The following TFAP4 variants were observed in gnomAD, a reference collection of about 807,000 sequenced individuals.
TFAP4 encodes transcription factor AP-4.
TFAP4 carries 7 observed loss-of-function variants against 40.4 expected under a neutral mutation model. That is an observed-to-expected ratio of 0.17 (90% confidence interval 0.10 to 0.33). The LOEUF is 0.33. TFAP4 is among the 10% of genes least tolerant of loss of function. TFAP4 has a pLI of 1.00. For synonymous variants in TFAP4, 218 were observed against 181.4 expected, an observed-to-expected ratio of 1.20 and a Z score of -1.62; for missense variants, 374 against 451.1, an observed-to-expected ratio of 0.83 and a Z score of 1.55.
chr16:4,259,076 G>A (rs943643789), intron 6 of TFAP4, among the ~76,000 whole-genome samples: 3 of 150,994 alleles, frequency 2.0e-5, no homozygotes, highest in Admixed American at 6.6e-5. Context: ...CAATAAGAGC[G>A]AAACTCTATC....
At chr16:4,265,309 T>C (rs1665704665) in intron 1 of TFAP4, 1 of 152,096 alleles carries the variant, frequency 6.6e-6, no homozygotes, top group African/African-American at 2.4e-5. Context: ...AGGTGACAGT[T>C]ATCCCTGTAA....
chr16:4,271,801 G>A lies in TFAP4; in HGVS notation c.89+857C>T, dbSNP rs539194894. 5.9e-5 allele frequency among the ~76,000 whole-genome samples: 9 copies of A among 152,318 alleles called. No individual in the cohort carries two copies. In the South Asian group the frequency reaches 1.9e-3, roughly 32 times the overall value. On this transcript the variant is annotated intron_variant, in intron 1 of 6. Transcript: ENST00000204517. Reference sequence around the variant, plus strand: ...CAGGTGTCCCTTCCCCAAATGGCCTGCCCACCTGGCCTGCCTTGCCCATCG... The same window carrying A: ...CAGGTGTCCCTTCCCCAAATGGCCTACCCACCTGGCCTGCCTTGCCCATCG...
intron 1 of TFAP4, chr16:4,263,789 C>G (rs992887068): frequency 6.5e-5 from 10 of 153,144 alleles, no homozygotes; most frequent in African/African-American, 2.4e-4. Context: ...TGGCTGGGGG[C>G]GTGGCTTCGG....
Position 4,258,050 on chromosome 16 carries a change from G to A in TFAP4, c.*5C>T, listed in dbSNP as rs755385285. The A allele has an allele frequency of 1.9e-6, 3 of 1,609,134 alleles. No individual in the cohort carries two copies. Among genetic ancestry groups the A allele is most frequent in the East Asian group, 4.5e-5 (2 of 44,788 alleles). The stretch of plus-strand genomic sequence containing the variant: ...CCAGAAGGGAGAGGAGGGCTGGGGG[G>A]GTAGTCAGGGAAGCTCCCCGTCCCC... On this transcript the variant is annotated 3_prime_UTR_variant, in exon 7 of 7. Transcript: ENST00000204517.
chr16:4,262,645 C>T lies in TFAP4; in HGVS notation c.146G>A (p.Arg49Gln). The change falls in exon 2 of 7, where the codon CGG (arginine) becomes CAG (glutamine). Residue 49 changes from arginine (R) to glutamine (Q), a missense_variant. This residue lies in a region of TFAP4 where 9 missense variants were observed against 38.6 expected (regional missense o/e 0.23). Coordinates refer to ENST00000204517, the MANE Select transcript of TFAP4 (RefSeq NM_003223.3). ...CTCGTTGCTGTTGGCGATCTCCCGC[C>T]GAATCCGCCGCTCCTGGTCCCGCTG... ...ETQRDQERRI[R>Q]REIANSNERR... 1.2e-6 allele frequency: 2 copies of T among 1,611,270 alleles called. No homozygotes were observed. The highest frequency in any genetic ancestry group is 2.2e-5 in the South Asian group (2 of 91,060).
At chr16:4,271,042 A>T (rs1326379042) in intron 1 of TFAP4, among the ~76,000 whole-genome samples, 4 of 152,240 alleles carry the variant, frequency 2.6e-5, no homozygotes, top group Non-Finnish European at 5.9e-5. Flanking sequence ...ACATAAAAAG[A>T]GCTCAAGAAT....
chr16:4,258,331 C>T, intron 6 of TFAP4, 82 bp from the exon 7 acceptor site: 1 of 1,351,550 alleles, frequency 7.4e-7, no homozygotes, highest in South Asian at 1.4e-5. Context: ...CAGCCAGCCA[C>T]TGTCACCCCC....
chr16:4,262,914 C>T (rs2141091988), intron 1 of TFAP4: 3 of 584,768 alleles, frequency 5.1e-6, no homozygotes, highest in Non-Finnish European at 9.2e-6. Context: ...CCGGGCCAGG[C>T]ACAGTAATCC....
intron 6 of TFAP4, among the ~76,000 whole-genome samples, chr16:4,259,777 G>C (rs1597311191): frequency 6.6e-6 from 1 of 152,272 alleles, no homozygotes; most frequent in African/African-American, 2.4e-5. Flanking sequence ...CAACCCAAGA[G>C]CTGGATGCAG....
rs138789825 is a variant in TFAP4, at chr16:4,270,897, G to A, written c.89+1761C>T. ...CCCCAGGACAAGGGTTCAAGTTCCA[G>A]TTCCACCACCTGCTGTAGTGGTCCC... On this transcript the variant is annotated intron_variant, in intron 1 of 6. Transcript: ENST00000204517. Among the ~76,000 whole-genome samples the A allele has an allele frequency of 4.0e-4, 61 of 152,318 alleles. No individual in the cohort carries two copies. The East Asian group carries it at 0.012, about 29-fold the overall frequency.
intron 4 of TFAP4, among the ~76,000 whole-genome samples, chr16:4,260,819 C>G (rs1300818685): frequency 6.6e-6 from 1 of 152,224 alleles, no homozygotes; most frequent in Non-Finnish European, 1.5e-5. Context: ...TTTGCCTATG[C>G]TATTCCCTCT....
chr16:4,262,101 G>A (rs1193753445), intron 3 of TFAP4, 152 bp from the exon 4 acceptor site: 1 of 944,258 alleles, frequency 1.1e-6, no homozygotes, highest in Non-Finnish European at 1.5e-6. Flanking sequence ...CCAAATGCCA[G>A]GAGAATGGGC....
intron 1 of TFAP4, among the ~76,000 whole-genome samples, chr16:4,271,578 A>C (rs1465034476): frequency 2.0e-5 from 3 of 152,098 alleles, no homozygotes; most frequent in Non-Finnish European, 4.4e-5. Flanking sequence ...TGAGTCCATC[A>C]CCCTTTGGGT....
At chr16:4,272,479 G>C (rs960562798) in intron 1 of TFAP4, among the ~76,000 whole-genome samples, 179 bp downstream of exon 1, 1 of 151,996 alleles carries the variant, frequency 6.6e-6, no homozygotes, top group Non-Finnish European at 1.5e-5. Context: ...CATGCTCCAA[G>C]GAAGGAGGGT....
chr16:4,272,799 A>C lies in TFAP4; in HGVS notation c.-53T>G. 6.5e-7 allele frequency: 1 copy of C among 1,539,434 alleles called. No individual in the cohort carries two copies. The highest frequency in any genetic ancestry group is 2.3e-5 in the East Asian group (1 of 43,148). The stretch of plus-strand genomic sequence containing the variant: ...GCCAGGTCCCGCGATCAGCCGGAGA[A>C]TGCAAGATGGAAATCCGAATCAAAG... On this transcript the variant is annotated 5_prime_UTR_variant, in exon 1 of 7. Transcript: ENST00000204517.
At position 4,272,847 on chromosome 16, in the gene TFAP4, G is replaced by A. The variant is rs1340926790; in HGVS notation, c.-101C>T. On this transcript the variant is annotated 5_prime_UTR_variant, in exon 1 of 7. Coordinates refer to ENST00000204517, the MANE Select transcript of TFAP4 (RefSeq NM_003223.3). Reference sequence around the variant, plus strand: ...AAGGGCAGCGCCGGACGGAGGTGCAGAATCGGCCGGTCCCAGATGCTGGCG... The same window carrying A: ...AAGGGCAGCGCCGGACGGAGGTGCAAAATCGGCCGGTCCCAGATGCTGGCG... 6.1e-6 allele frequency: 5 copies of A among 814,116 alleles called. No individual in the cohort carries two copies. The highest frequency in any genetic ancestry group is 5.5e-5 in the African/African-American group (3 of 54,556). 50.4% of individuals were successfully genotyped at this position (814,116 alleles called of 1,614,324 possible). A position where few individuals can be genotyped will look rare whatever the true frequency, so the allele number is the denominator to read the frequency against.
chr16:4,258,119 G>A lies in TFAP4; in HGVS notation c.953C>T (p.Ala318Val). ...PTSDTASDSE[A>V]SDSDAMDQSR... Reference sequence around the variant, plus strand: ...CTGGTCCATGGCGTCACTGTCTGAGGCCTCGGAGTCGGAGGCGGTGTCAGA... The same window carrying A: ...CTGGTCCATGGCGTCACTGTCTGAGACCTCGGAGTCGGAGGCGGTGTCAGA... The change falls in exon 7 of 7, where the codon GCC (alanine) becomes GTC (valine). Residue 318 changes from alanine (A) to valine (V), a missense_variant. Physicochemically the swap from Ala to Val is moderately conservative, Grantham distance 64. Around this residue, in one of 6 missense-constraint regions of TFAP4, gnomAD observed 93 missense variants for 79.2 expected, o/e 1.17. Transcript: ENST00000204517. 6.2e-7 allele frequency: 1 copy of A among 1,613,908 alleles called. No homozygotes were observed. The highest frequency in any genetic ancestry group is 1.1e-5 in the South Asian group (1 of 91,068).
At chr16:4,263,887 G>C (rs952113649) in intron 1 of TFAP4, 2 of 152,816 alleles carry the variant, frequency 1.3e-5, no homozygotes, top group African/African-American at 4.8e-5. Flanking sequence ...CGCTCCCGAG[G>C]GTTGGGCTTG....
At position 4,260,172 on chromosome 16, in the gene TFAP4, T is replaced by A; in HGVS notation, c.740A>T (p.His247Leu). ...VPAPPPPPSH[H>L]INVVTMGPSS... is the part of the protein sequence containing the mutation. ...GGGGCCCATGGTGACGACATTGATG[T>A]GGTGGGAGGGAGGAGGAGGCGGTGC... Residue 247 changes from histidine to leucine, a missense_variant, in exon 6 of 7, where the codon CAC (histidine) becomes CTC (leucine). By Grantham distance (99) the His-to-Leu change is moderately conservative. This residue lies in a region of TFAP4 where 161 missense variants were observed against 154.2 expected (regional missense o/e 1.04). Coordinates refer to ENST00000204517, the MANE Select transcript of TFAP4 (RefSeq NM_003223.3). 4 of 1,188,890 alleles carry A rather than the reference T, an allele frequency of 3.4e-6. No homozygotes were observed. Among genetic ancestry groups the A allele is most frequent in the Non-Finnish European group, 4.3e-6 (4 of 935,170 alleles). 73.6% of individuals were successfully genotyped at this position (1,188,890 alleles called of 1,614,324 possible). A position where few individuals can be genotyped will look rare whatever the true frequency, so the allele number is the denominator to read the frequency against.
Sources: gnomAD v4.1 joint callset for allele counts (sites outside exome capture counted in the v4.1 genomes callset) on GRCh38, gnomAD v4.1.1 for gene constraint, gnomAD v4.1.1 regional missense constraint, MANE v1.5 for transcripts, NCBI Gene and HGNC (gene_info 2026-07-23, HGNC 2026-07-21) for gene names.